TSPO: variants seen among roughly 807,000 people sequenced by gnomAD.
TSPO encodes the protein translocator protein, also known as benzodiazepine peripheral binding site.
TSPO carries 14 observed loss-of-function variants against 13.9 expected under a neutral mutation model. The observed-to-expected ratio is 1.01, with a 90% CI of 0.67 to 1.58. The LOEUF (loss-of-function observed/expected upper bound fraction) is 1.58, where lower values mean the gene tolerates loss of function less well. Ranked by LOEUF, TSPO falls within the 40% of genes most tolerant of loss-of-function variation. The pLI is 0.00. For synonymous variants in TSPO, 114 were observed against 105.9 expected (o/e 1.08, Z -0.47); for missense variants, 232 against 229.6 (o/e 1.01, Z -0.07).
intron 1 of TSPO, among the ~76,000 whole-genome samples, chr22:43,157,419 A>T (rs1158609802): frequency 6.6e-6 from 1 of 152,034 alleles, no homozygotes; most frequent in Non-Finnish European, 1.5e-5. Flanking sequence ...TTTTGCAGCG[A>T]CCTTGGGGGA....
intron 1 of TSPO, 73 bp from the exon 2 acceptor site, chr22:43,159,137 G>T: frequency 8.2e-7 from 1 of 1,220,734 alleles, no homozygotes. Context: ...GCCTTTCGGG[G>T]ATGCTGGAGG....
intron 1 of TSPO, among the ~76,000 whole-genome samples, chr22:43,152,626 A>G (rs746884894): frequency 6.6e-6 from 1 of 152,260 alleles, no homozygotes; most frequent in Non-Finnish European, 1.5e-5. Flanking sequence ...AGCCAGCCTC[A>G]GCCCAGCAGG....
Position 43,163,031 on chromosome 22 carries a change from G to A in TSPO, c.*40G>A. On this transcript the variant is annotated 3_prime_UTR_variant, in exon 4 of 4. Transcript: ENST00000337554. ...AGGGACTGCAGCTGCACCAGCAGGT[G>A]CCATCACGCTTGTGATGTGGTGGCC... The A allele has an allele frequency of 6.4e-7, 1 of 1,573,652 alleles. No homozygotes were observed.
At position 43,163,002 on chromosome 22, in the gene TSPO, C is replaced by G; in HGVS notation, c.*11C>G. On this transcript the variant is annotated 3_prime_UTR_variant, in exon 4 of 4. Coordinates refer to ENST00000337554, the MANE Select transcript of TSPO (RefSeq NM_000714.6). ...CGGCTGCCAGAGTGAGTGCCCGGCC[C>G]ACCAGGGACTGCAGCTGCACCAGCA... 6.3e-7 allele frequency: 1 copy of G among 1,579,680 alleles called. No homozygotes were observed. Among genetic ancestry groups the G allele is most frequent in the Non-Finnish European group, 8.6e-7 (1 of 1,163,390 alleles).
intron 1 of TSPO, among the ~76,000 whole-genome samples, chr22:43,154,495 A>G (rs764486066): frequency 1.1e-4 from 17 of 151,834 alleles, no homozygotes; most frequent in Non-Finnish European, 2.4e-4. Flanking sequence ...AGTAGCTGGG[A>G]TTACAGACGT....
At chr22:43,155,231 G>T (rs931514168) in intron 1 of TSPO, among the ~76,000 whole-genome samples, 3 of 152,212 alleles carry the variant, frequency 2.0e-5, no homozygotes, top group African/African-American at 7.2e-5. Context: ...TGGAGGCCGA[G>T]TGGGCCGTGT....
intron 1 of TSPO, among the ~76,000 whole-genome samples, chr22:43,158,194 C>T (rs560447242): frequency 1.2e-4 from 19 of 152,182 alleles, no homozygotes; most frequent in Non-Finnish European, 1.6e-4. Context: ...GCTTGTCTCT[C>T]GTGTTCCCCT....
intron 3 of TSPO, among the ~76,000 whole-genome samples, chr22:43,161,557 G>C (rs62232064): frequency 6.7e-6 from 1 of 150,128 alleles, no homozygotes; most frequent in Non-Finnish European, 1.5e-5. Flanking sequence ...GTGAGATCTC[G>C]GCCCACTGCA....
intron 1 of TSPO, among the ~76,000 whole-genome samples, chr22:43,153,814 C>G (rs1258277376): frequency 6.6e-6 from 1 of 151,972 alleles, no homozygotes; most frequent in East Asian, 1.9e-4. Context: ...GACGGTGTCT[C>G]GCTCCATTGC....
chr22:43,158,341 G>C (rs985325848), intron 1 of TSPO, among the ~76,000 whole-genome samples: 2 of 152,200 alleles, frequency 1.3e-5, no homozygotes, highest in Non-Finnish European at 2.9e-5. Flanking sequence ...GCCCCCCTGG[G>C]TCCTAGCCCT....
rs896287229 is a variant in TSPO at position 43,163,167 on chromosome 22, G to A, written c.*176G>A. 9 of 1,439,856 alleles carry A rather than the reference G, an allele frequency of 6.3e-6. No homozygotes were observed. Among genetic ancestry groups the A allele is most frequent in the African/African-American group, 2.9e-5 (2 of 69,796 alleles). The allele number at this position is 1,439,856 out of a possible 1,614,324, so 89.2% of individuals were successfully genotyped here. A position where few individuals can be genotyped will look rare whatever the true frequency, so the allele number is the denominator to read the frequency against. Reference sequence around the variant, plus strand: ...AGCCCCCACCCGGGAGCAGTGTCCTGTGCTTTCTGCATGCTTAGAGCATGT... The same window carrying A: ...AGCCCCCACCCGGGAGCAGTGTCCTATGCTTTCTGCATGCTTAGAGCATGT... On this transcript the variant is annotated 3_prime_UTR_variant, in exon 4 of 4. Coordinates refer to ENST00000337554, the MANE Select transcript of TSPO (RefSeq NM_000714.6).
At chr22:43,158,084 ATTTGCCC>A (rs1252269937) in intron 1 of TSPO, among the ~76,000 whole-genome samples, 2 of 152,054 alleles carry the variant, frequency 1.3e-5, no homozygotes, top group Non-Finnish European at 2.9e-5. Context: ...CTGGGGCCAG[ATTTGCCC>A]TTTGCCCTTT....
chr22:43,159,835 A>G (rs1434945280), intron 2 of TSPO, among the ~76,000 whole-genome samples: 1 of 152,130 alleles, frequency 6.6e-6, no homozygotes, highest in Non-Finnish European at 1.5e-5. Context: ...AGGCCTCCCA[A>G]GGACACAGGG....
Position 43,162,830 on chromosome 22 carries a change from G to A in TSPO, c.349G>A (p.Gly117Arg). Reference protein sequence around the residue: ...WALVDLLLVSGAAAATTVAWY... With the variant: ...WALVDLLLVSRAAAATTVAWY... Reference sequence around the variant, plus strand: ...CTTGGTGGATCTCCTGCTGGTCAGTGGGGCGGCGGCAGCCACTACCGTGGC... The same window carrying A: ...CTTGGTGGATCTCCTGCTGGTCAGTAGGGCGGCGGCAGCCACTACCGTGGC... The change falls in exon 4 of 4, where the codon GGG (glycine) becomes AGG (arginine). Residue 117 changes from glycine (G) to arginine (R), a missense_variant. Physicochemically the swap from Gly to Arg is moderately radical, Grantham distance 125 (BLOSUM62 -2). Transcript: ENST00000337554. 6.3e-7 allele frequency: 1 copy of A among 1,585,830 alleles called. No individual in the cohort carries two copies. Among genetic ancestry groups the A allele is most frequent in the Non-Finnish European group, 8.6e-7 (1 of 1,167,368 alleles).
chr22:43,162,692 G>T, intron 3 of TSPO, 111 bp from the exon 4 acceptor site: 2 of 1,104,372 alleles, frequency 1.8e-6, no homozygotes, highest in Non-Finnish European at 2.5e-6. Context: ...TGGAGTGGGG[G>T]TGAGTGAGGC....
Position 43,162,868 on chromosome 22 carries a change from G to A in TSPO, c.387G>A (p.Val129=), listed in dbSNP as rs762605393. Residue 129 remains valine, a synonymous_variant, in exon 4 of 4, where the codon GTG becomes GTA. Coordinates refer to ENST00000337554, the MANE Select transcript of TSPO (RefSeq NM_000714.6). ...CCACTACCGTGGCCTGGTACCAGGTGAGCCCGCTGGCCGCCCGCCTGCTCT... is the reference window on the plus strand; with the variant it reads ...CCACTACCGTGGCCTGGTACCAGGTAAGCCCGCTGGCCGCCCGCCTGCTCT... ...AAATTVAWYQ[V]SPLAARLLYP... is the part of the protein sequence containing the mutation. The A allele has an allele frequency of 5.7e-6, 9 of 1,579,982 alleles. No homozygotes were observed. The highest frequency in any genetic ancestry group is 5.2e-6 in the Non-Finnish European group (6 of 1,164,166).
Position 43,162,967 on chromosome 22 carries a change from TGGGGG to T in TSPO, c.487_491del (p.Gly163ThrfsTer33). ...TATGGCGGGACAACCATGGCTGGCG[TGGGGG>T]ACGGCGGCTGCCAGAGTGAGTGCCC... is the stretch of plus-strand genomic sequence containing the variant. On this transcript the variant is annotated frameshift_variant, in exon 4 of 4. Transcript: ENST00000337554. LOFTEE classifies it high-confidence loss of function. The T allele has an allele frequency of 6.3e-7, 1 of 1,587,144 alleles. No homozygotes were observed. Among genetic ancestry groups the T allele is most frequent in the South Asian group, 1.1e-5 (1 of 87,632 alleles).
intron 2 of TSPO, among the ~76,000 whole-genome samples, chr22:43,160,337 G>T (rs773289840): frequency 8.5e-5 from 13 of 152,298 alleles, no homozygotes; most frequent in Admixed American, 1.3e-4. Flanking sequence ...GTGACAGCCG[G>T]GGCTCTGGCC....
chr22:43,159,372 C>T lies in TSPO; in HGVS notation c.134C>T (p.Pro45Leu). The change falls in exon 2 of 4, where the codon CCC (proline) becomes CTC (leucine). Residue 45 changes from proline to leucine, a missense_variant. Pro to Leu is a moderately conservative substitution (Grantham distance 98). Coordinates refer to ENST00000337554, the MANE Select transcript of TSPO (RefSeq NM_000714.6). Reference protein sequence around the residue: ...AGLQKPSWHPPHWVLGPVWGT... With the variant: ...AGLQKPSWHPLHWVLGPVWGT... ...CTGCAGAAGCCCTCGTGGCACCCGC[C>T]CCACTGGGTGCTGGGCCCTGTCTGG... The T allele has an allele frequency of 6.5e-7, 1 of 1,544,358 alleles. No homozygotes were observed. Among genetic ancestry groups the T allele is most frequent in the Non-Finnish European group, 8.7e-7 (1 of 1,145,574 alleles).
Sources: gnomAD v4.1 joint callset for allele counts (sites outside exome capture counted in the v4.1 genomes callset) on GRCh38, gnomAD v4.1.1 for gene constraint, MANE v1.5 for transcripts, NCBI Gene and HGNC (gene_info 2026-07-23, HGNC 2026-07-21) for gene names.